GRIP2: variants seen among roughly 807,000 people sequenced by gnomAD.
GRIP2 encodes the protein glutamate receptor interacting protein 2, also known as glutamate receptor-interacting protein 2.
A neutral mutation model predicts 108.3 loss-of-function variants in GRIP2; 58 were observed. The ratio of observed to expected loss-of-function variants is 0.54; its 90% CI spans 0.43 to 0.67. The LOEUF is 0.67. Ranked by LOEUF, GRIP2 falls within the 30% of genes least tolerant of loss-of-function variation. The pLI is 0.00. For synonymous variants in GRIP2, 586 were observed against 598.2 expected (o/e 0.98, Z 0.30); for missense variants, 1,278 against 1,430.6 (o/e 0.89, Z 1.72).
chr3:14,542,156 T>G, upstream of GRIP2: 1 of 1,006,250 alleles, frequency 9.9e-7, no homozygotes, highest in Non-Finnish European at 1.3e-6. Context: ...ATTTTTTATT[T>G]TTTTTATTTT....
chr3:14,507,442 G>T lies in GRIP2; in HGVS notation c.2218+119C>A. 1 of 1,253,576 alleles carries T rather than the reference G, an allele frequency of 8.0e-7. No homozygotes were observed. Among genetic ancestry groups the T allele is most frequent in the Non-Finnish European group, 1.1e-6 (1 of 888,572 alleles). The allele number at this position is 1,253,576 out of a possible 1,614,324, so 77.7% of individuals were successfully genotyped here. A position where few individuals can be genotyped will look rare whatever the true frequency, so the allele number is the denominator to read the frequency against. On this transcript the variant is annotated intron_variant, in intron 18 of 23. Transcript: ENST00000621039. This position sits in a 1 kb window ranked among gnomAD's most constrained non-coding sequence, Gnocchi z 4.6. ...AGTCTTATCTTCTTTGCCATCGCAG[G>T]CCCGCCTCCACAGGGCTGCAGTGAG... is the stretch of plus-strand genomic sequence containing the variant.
intron 4 of GRIP2, 153 bp from the exon 5 acceptor site, chr3:14,523,851 G>A (rs752406914): frequency 8.0e-6 from 5 of 622,562 alleles, no homozygotes; most frequent in Non-Finnish European, 1.4e-5. Flanking sequence ...AACAAGTGAG[G>A]CTTAGAGGGA....
Position 14,517,500 on chromosome 3 carries a change from T to C in GRIP2, c.1156+272A>G, listed in dbSNP as rs1036374843. 9.2e-3 allele frequency among the ~76,000 whole-genome samples: 953 copies of C among 103,966 alleles called. 14 individuals are homozygous for C. The highest frequency in any genetic ancestry group is 0.027 in the Middle Eastern group (6 of 220). 68.2% of individuals were successfully genotyped at this position (103,966 alleles called of 152,430 possible). On this transcript the variant is annotated intron_variant, in intron 10 of 23. Transcript: ENST00000621039. ...GGCCACCTAATCTCTCTCTCTTTTT[T>C]TTTTTTTTTTTTTTTTTTTTAGTTG...
At chr3:14,528,420 G>A (rs746785641) in intron 1 of GRIP2, among the ~76,000 whole-genome samples, 2 of 152,210 alleles carry the variant, frequency 1.3e-5, no homozygotes, top group Non-Finnish European at 2.9e-5. Context: ...TAGGTGGTAT[G>A]GCAAGAATAT....
the GRIP2 span, among the ~76,000 whole-genome samples, chr3:14,575,121 C>A: frequency 6.6e-6 from 1 of 152,272 alleles, no homozygotes; most frequent in East Asian, 1.9e-4. Context: ...GATGGCAATG[C>A]TCTGTTTCTC....
chr3:14,497,766 GAA>G (rs1239358851), intron 21 of GRIP2, among the ~76,000 whole-genome samples: 1 of 152,206 alleles, frequency 6.6e-6, no homozygotes, highest in African/African-American at 2.4e-5. Context: ...GTGGTCCAAA[GAA>G]AAGACAGTGG....
chr3:14,510,188 A>G (rs967229524), intron 16 of GRIP2, among the ~76,000 whole-genome samples: 1 of 151,988 alleles, frequency 6.6e-6, no homozygotes, highest in African/African-American at 2.4e-5. Context: ...GACAACATTG[A>G]TGACAAGAAA....
chr3:14,539,937 G>A (rs769520667), intron 1 of GRIP2, among the ~76,000 whole-genome samples: 87 of 152,166 alleles, frequency 5.7e-4, no homozygotes, highest in Non-Finnish European at 1.1e-3. Context: ...TGCAGATCCT[G>A]AGATTGGGCA....
chr3:14,585,325 T>C, the GRIP2 span, among the ~76,000 whole-genome samples: 9 of 152,254 alleles, frequency 5.9e-5, no homozygotes, highest in Admixed American at 3.9e-4. Context: ...CTGGCCATAT[T>C]ATGGAGATTT....
the GRIP2 span, among the ~76,000 whole-genome samples, chr3:14,569,976 G>A: frequency 1.4e-4 from 22 of 152,290 alleles, 1 homozygote; most frequent in East Asian, 4.3e-3. Flanking sequence ...TTACAGTGGA[G>A]GAAACTGAGG....
At chr3:14,503,882 C>T (rs559589444) in intron 20 of GRIP2, 24 of 576,616 alleles carry the variant, frequency 4.2e-5, no homozygotes, top group East Asian at 3.2e-4. Flanking sequence ...CAGTTAGGGG[C>T]GACCAGGACT....
At chr3:14,547,499 C>T (rs1323493197) in intron 1 of GRIP2, among the ~76,000 whole-genome samples, 1 of 152,072 alleles carries the variant, frequency 6.6e-6, no homozygotes, top group Non-Finnish European at 1.5e-5. Context: ...ACTTGGAGTT[C>T]AAAAATTAAA....
At chr3:14,517,743 G>T in intron 10 of GRIP2, 29 bp downstream of exon 10, 1 of 1,607,882 alleles carries the variant, frequency 6.2e-7, no homozygotes, top group Non-Finnish European at 8.5e-7. Flanking sequence ...TACAAGACTG[G>T]CTGAGCTACA....
chr3:14,575,617 G>A, the GRIP2 span, among the ~76,000 whole-genome samples: 1 of 152,264 alleles, frequency 6.6e-6, no homozygotes. Context: ...ACTCTGGACA[G>A]GAGGGTGGGA....
chr3:14,538,904 A>T (rs1694897081), intron 1 of GRIP2, among the ~76,000 whole-genome samples: 1 of 152,138 alleles, frequency 6.6e-6, no homozygotes, highest in African/African-American at 2.4e-5. Flanking sequence ...GAGGAGGGGG[A>T]GACACCTCCC....
intron 3 of GRIP2, among the ~76,000 whole-genome samples, chr3:14,524,997 G>A (rs750384098): frequency 1.3e-5 from 2 of 152,248 alleles, no homozygotes; most frequent in Non-Finnish European, 2.9e-5. Context: ...ATCAGACAAT[G>A]TGTGCAGAAA....
intron 1 of GRIP2, among the ~76,000 whole-genome samples, chr3:14,554,186 C>A (rs1297294426): frequency 6.6e-6 from 1 of 152,176 alleles, no homozygotes; most frequent in African/African-American, 2.4e-5. Flanking sequence ...GGGGAGGAAA[C>A]TGAGGTTGAG....
chr3:14,516,758 C>T (rs1694259554), intron 11 of GRIP2, among the ~76,000 whole-genome samples: 1 of 152,124 alleles, frequency 6.6e-6, no homozygotes, highest in African/African-American at 2.4e-5. Context: ...AAACTTCATG[C>T]ACATCTGAAA....
chr3:14,542,774 T>C (rs1374586007), upstream of GRIP2, among the ~76,000 whole-genome samples: 1 of 152,214 alleles, frequency 6.6e-6, no homozygotes, highest in Non-Finnish European at 1.5e-5. Flanking sequence ...TTTATCCAAG[T>C]GCATGTTCAG....
Sources: gnomAD v4.1 joint callset for allele counts (sites outside exome capture counted in the v4.1 genomes callset) on GRCh38, gnomAD v4.1.1 for gene constraint, Gnocchi (gnomAD v3.1) non-coding constraint, MANE v1.5 for transcripts, NCBI Gene and HGNC (gene_info 2026-07-23, HGNC 2026-07-21) for gene names.